Variants in ZHX1 observed in about 807,000 individuals in gnomAD.
ZHX1 encodes the protein zinc fingers and homeoboxes protein 1.
ZHX1 carries 20 observed loss-of-function variants against 61.8 expected under a neutral mutation model. The observed-to-expected ratio is 0.32, with a 90% CI of 0.23 to 0.47. The LOEUF is 0.47. ZHX1 is among the 20% of genes least tolerant of loss of function. The pLI, the probability that ZHX1 is intolerant of heterozygous loss-of-function variation, is 1.00. For synonymous variants in ZHX1, 318 were observed against 352.6 expected (o/e 0.90, Z 1.10); for missense variants, 800 against 1,034.8 (o/e 0.77, Z 3.11).
chr8:123,262,999 A>G (rs966858835), intron 2 of ZHX1: 1 of 149,962 alleles, frequency 6.7e-6, no homozygotes, highest in African/African-American at 2.4e-5. Flanking sequence ...GAAGGAAGGA[A>G]GAAAGAGAAG....
chr8:123,265,112 C>G (rs921046049), intron 2 of ZHX1, among the ~76,000 whole-genome samples: 1 of 149,316 alleles, frequency 6.7e-6, no homozygotes. Flanking sequence ...TCGCTTGAAC[C>G]TGGGAGAAGA....
At position 123,255,283 on chromosome 8, in the gene ZHX1, C is replaced by T. The variant is rs1243191200; in HGVS notation, c.664G>A (p.Val222Ile). Residue 222 changes from valine to isoleucine, a missense_variant, in exon 3 of 4, where the codon GTA becomes ATA. Coordinates refer to ENST00000395571, the MANE Select transcript of ZHX1 (RefSeq NM_007222.5). ...NEIKPDREEI[V>I]ENPSSSASES... Reference sequence around the variant, plus strand: ...GAAGCTGAAGAACTTGGATTTTCTACAATTTCTTCACGGTCTGGTTTGATT... The same window carrying T: ...GAAGCTGAAGAACTTGGATTTTCTATAATTTCTTCACGGTCTGGTTTGATT... 6.8e-6 allele frequency: 11 copies of T among 1,614,080 alleles called. No individual in the cohort carries two copies. Among genetic ancestry groups the T allele is most frequent in the East Asian group, 6.7e-5 (3 of 44,898 alleles).
intron 2 of ZHX1, among the ~76,000 whole-genome samples, chr8:123,258,439 G>C (rs1000794212): frequency 3.9e-5 from 6 of 152,120 alleles, no homozygotes; most frequent in Non-Finnish European, 8.8e-5. Flanking sequence ...TCCTTTATAG[G>C]AACACAAAGA....
Position 123,253,642 on chromosome 8 carries a change from AGTT to A in ZHX1, c.2302_2304del (p.Asn768del). ...TTTATGAGTGATGGTCCCCTGTCCC[AGTT>A]GTTAATTCTTTTGCTTCCTCTAGGC... is the stretch of plus-strand genomic sequence containing the variant. On this transcript the variant is annotated inframe_deletion, in exon 3 of 4. Transcript: ENST00000395571. 6.2e-7 allele frequency: 1 copy of A among 1,614,198 alleles called. No individual in the cohort carries two copies. The highest frequency in any genetic ancestry group is 8.5e-7 in the Non-Finnish European group (1 of 1,180,018).
intron 1 of ZHX1, among the ~76,000 whole-genome samples, chr8:123,270,934 T>C (rs535336072): frequency 6.6e-6 from 1 of 152,232 alleles, no homozygotes; most frequent in Non-Finnish European, 1.5e-5. Context: ...GGAAACTGAT[T>C]GTATAAAATG....
intron 1 of ZHX1, among the ~76,000 whole-genome samples, chr8:123,268,532 G>A (rs892417045): frequency 1.3e-5 from 2 of 151,732 alleles, no homozygotes; most frequent in Non-Finnish European, 2.9e-5. Context: ...TCACTGTGTC[G>A]CCCAGCTGGA....
rs754988142 is a variant in ZHX1 at position 123,255,802 on chromosome 8, C to T, written c.145G>A (p.Asp49Asn). ...TCCACAGATTCATGAACCTCTTCATCACTTGAGATACTCTCTGCTCTGGTG... is the reference window on the plus strand; with the variant it reads ...TCCACAGATTCATGAACCTCTTCATTACTTGAGATACTCTCTGCTCTGGTG... ...ENTRAESISS[D>N]EEVHESVDSD... The change falls in exon 3 of 4, where the codon GAT (aspartate) becomes AAT (asparagine). Residue 49 changes from aspartate (D) to asparagine (N), a missense_variant. Transcript: ENST00000395571. 32 of 1,614,002 alleles carry T rather than the reference C, an allele frequency of 2.0e-5. No individual in the cohort carries two copies. Among genetic ancestry groups the T allele is most frequent in the Non-Finnish European group, 2.6e-5 (31 of 1,180,044 alleles).
chr8:123,267,949 CGA>C (rs1826511677), intron 1 of ZHX1, among the ~76,000 whole-genome samples: 1 of 152,066 alleles, frequency 6.6e-6, no homozygotes, highest in Admixed American at 6.5e-5. Flanking sequence ...TGCAGTGAGC[CGA>C]GATTGCGCCA....
upstream of ZHX1, chr8:123,274,556 C>A (rs1826783338): frequency 6.6e-6 from 1 of 152,202 alleles, no homozygotes. Flanking sequence ...CACTGGGGTC[C>A]GACCCCGGCC....
At chr8:123,258,012 G>T (rs1346167650) in intron 2 of ZHX1, among the ~76,000 whole-genome samples, 2 of 152,112 alleles carry the variant, frequency 1.3e-5, no homozygotes, top group Admixed American at 6.5e-5. Flanking sequence ...TAGATATTGT[G>T]TCTCATTTTT....
At chr8:123,268,395 G>C (rs541453325) in intron 1 of ZHX1, among the ~76,000 whole-genome samples, 23 of 152,264 alleles carry the variant, frequency 1.5e-4, no homozygotes, top group African/African-American at 5.3e-4. Flanking sequence ...ATATAATCTA[G>C]ATCAGTTAAA....
intron 2 of ZHX1, among the ~76,000 whole-genome samples, chr8:123,264,902 T>C (rs1412470224): frequency 6.7e-6 from 1 of 149,416 alleles, no homozygotes; most frequent in Non-Finnish European, 1.5e-5. Context: ...AATAAGAGCA[T>C]TTAGGGCTGA....
rs1233818850 is a variant in ZHX1 at position 123,249,541 on chromosome 8, CA to C, written c.*782del. ...CACATTTTTGGTGCAGTATTTATTT[CA>C]AAGCTTCACCCTATCCAAATTACCA... is the stretch of plus-strand genomic sequence containing the variant. On this transcript the variant is annotated 3_prime_UTR_variant, in exon 4 of 4. Coordinates refer to ENST00000395571, the MANE Select transcript of ZHX1 (RefSeq NM_007222.5). The C allele has an allele frequency of 2.0e-5, 3 of 152,108 alleles. No homozygotes were observed. The highest frequency in any genetic ancestry group is 7.2e-5 in the African/African-American group (3 of 41,436). The allele number at this position is 152,108 out of a possible 1,614,324, so 9.4% of individuals were successfully genotyped here. A position where few individuals can be genotyped will look rare whatever the true frequency, so the allele number is the denominator to read the frequency against.
Position 123,254,750 on chromosome 8 carries a change from A to G in ZHX1, c.1197T>C (p.Thr399=), listed in dbSNP as rs763882592. ...GCAAGGTGTTTGTTCCAGCCACTTGAGTAAGGACCAGACCAGGCTGACCAA... is the reference window on the plus strand; with the variant it reads ...GCAAGGTGTTTGTTCCAGCCACTTGGGTAAGGACCAGACCAGGCTGACCAA... ...QIVGQPGLVL[T]QVAGTNTLPV... is the part of the protein sequence containing the mutation. Residue 399 remains threonine, a synonymous_variant, in exon 3 of 4, where the codon ACT becomes ACC. Coordinates refer to ENST00000395571, the MANE Select transcript of ZHX1 (RefSeq NM_007222.5). The surrounding 1 kb of genome is among the most constrained non-coding windows in gnomAD (Gnocchi z 4.1). 6.2e-7 allele frequency: 1 copy of G among 1,614,162 alleles called. No homozygotes were observed. The highest frequency in any genetic ancestry group is 8.5e-7 in the Non-Finnish European group (1 of 1,180,026).
Position 123,255,797 on chromosome 8 carries a change from T to C in ZHX1, c.150A>G (p.Glu50=). The part of the protein sequence containing the change: ...NTRAESISSD[E]EVHESVDSDN... ...CTGAATCCACAGATTCATGAACCTC[T>C]TCATCACTTGAGATACTCTCTGCTC... The change falls in exon 3 of 4, where the codon GAA becomes GAG. Residue 50 remains glutamate (E), a synonymous_variant. Coordinates refer to ENST00000395571, the MANE Select transcript of ZHX1 (RefSeq NM_007222.5). 1 of 1,614,164 alleles carries C rather than the reference T, an allele frequency of 6.2e-7. No individual in the cohort carries two copies. The highest frequency in any genetic ancestry group is 2.2e-5 in the East Asian group (1 of 44,888).
intron 3 of ZHX1, among the ~76,000 whole-genome samples, chr8:123,251,459 C>T (rs900292211): frequency 6.6e-6 from 1 of 151,990 alleles, no homozygotes; most frequent in African/African-American, 2.4e-5. Context: ...AATTAGTATC[C>T]ATTACAGTGT....
In ZHX1 at chr8:123,253,280, G is replaced by A. The variant is rs77908499; in HGVS notation, c.*3+42C>T. ...AAGGTGACTGTTCAAAATGTATGTG[G>A]TTGATGAACATATACGCAGATTAAA... On this transcript the variant is annotated intron_variant, in intron 3 of 3. Transcript: ENST00000395571. 6,123 of 1,453,592 alleles carry A rather than the reference G, an allele frequency of 4.2e-3. 233 individuals carry two copies. The African/African-American group carries it at 0.078, about 18-fold the overall frequency. The allele number at this position is 1,453,592 out of a possible 1,614,324, so 90.0% of individuals were successfully genotyped here.
chr8:123,266,396 A>G (rs1325580806), intron 2 of ZHX1, among the ~76,000 whole-genome samples: 2 of 152,132 alleles, frequency 1.3e-5, no homozygotes, highest in African/African-American at 4.8e-5. Flanking sequence ...TAATGATTTG[A>G]TTTTTCAAAA....
At chr8:123,266,705 C>A (rs1262268851) in intron 2 of ZHX1, among the ~76,000 whole-genome samples, 2 of 152,062 alleles carry the variant, frequency 1.3e-5, no homozygotes, top group African/African-American at 4.8e-5. Flanking sequence ...CACACATAAG[C>A]ATGAAAACCC....
Sources: allele counts gnomAD v4.1 joint callset (sites outside exome capture counted in the v4.1 genomes callset), GRCh38; gene constraint gnomAD v4.1.1; non-coding constraint Gnocchi (gnomAD v3.1); transcripts MANE v1.5; gene names NCBI Gene and HGNC (gene_info 2026-07-23, HGNC 2026-07-21).